The following SOX5 variants were observed in gnomAD, a reference collection of about 807,000 sequenced individuals.
SOX5 encodes the protein SRY-box transcription factor 5.
SOX5 carries 9 observed loss-of-function variants against 92.0 expected under a neutral mutation model. The ratio of observed to expected loss-of-function variants is 0.10; its 90% CI spans 0.06 to 0.17. The LOEUF (loss-of-function observed/expected upper bound fraction) is 0.17, where lower values mean the gene tolerates loss of function less well. SOX5 is among the 10% of genes least tolerant of loss of function. SOX5 has a pLI of 1.00. For synonymous variants in SOX5, 344 were observed against 336.3 expected, an observed-to-expected ratio of 1.02 and a Z score of -0.25; for missense variants, 642 against 944.5, an observed-to-expected ratio of 0.68 and a Z score of 4.20.
chr12:24,262,472 G>A (rs188203884), intron 3 of SOX5, among the ~76,000 whole-genome samples: 9 of 152,282 alleles, frequency 5.9e-5, no homozygotes, highest in Non-Finnish European at 1.3e-4. Flanking sequence ...ATGTTGTGGA[G>A]CAATAAATTT....
At chr12:24,502,422 A>G (rs1264950732) in intron 1 of SOX5, among the ~76,000 whole-genome samples, 1 of 152,232 alleles carries the variant, frequency 6.6e-6, no homozygotes, top group African/African-American at 2.4e-5. Flanking sequence ...ACCATAAACC[A>G]TAACACAAAA....
At position 24,485,903 on chromosome 12, in the gene SOX5, C is replaced by T. The variant is rs556962318; in HGVS notation, c.-251+76426G>A. Among the ~76,000 whole-genome samples the T allele has an allele frequency of 5.3e-5, 8 of 152,154 alleles. No homozygotes were observed. In the South Asian group the frequency reaches 1.2e-3, roughly 24 times the overall value. ...CAATTTTTATAAATGTTTTGAGATG[C>T]AACATATATAAAAGATAAACTGCCA... is the stretch of plus-strand genomic sequence containing the variant. On this transcript the variant is annotated intron_variant, in intron 1 of 4. Coordinates refer to the SOX5 transcript ENST00000446891.
intron 3 of SOX5, among the ~76,000 whole-genome samples, chr12:23,760,680 A>AT (rs920372135): frequency 2.0e-5 from 3 of 152,044 alleles, no homozygotes; most frequent in Non-Finnish European, 2.9e-5. Flanking sequence ...CTCATTCCCT[A>AT]TAACTCTCAC....
chr12:23,951,037 G>A (rs1945549416), upstream of SOX5: 1 of 612,614 alleles, frequency 1.6e-6, no homozygotes, highest in Non-Finnish European at 2.9e-6. Flanking sequence ...CCTACTGGGA[G>A]GGTTCATTCT....
At chr12:23,614,770 T>C (rs1050152284) in intron 8 of SOX5, among the ~76,000 whole-genome samples, 3 of 152,212 alleles carry the variant, frequency 2.0e-5, no homozygotes, top group Non-Finnish European at 2.9e-5. Flanking sequence ...TTCATTTCCA[T>C]AGCAACGTAT....
intron 3 of SOX5, among the ~76,000 whole-genome samples, chr12:23,827,510 G>A (rs2096251953): frequency 6.6e-6 from 1 of 152,164 alleles, no homozygotes; most frequent in South Asian, 2.1e-4. Flanking sequence ...GATGAAAGAT[G>A]TATTTACTTG....
intron 4 of SOX5, among the ~76,000 whole-genome samples, chr12:24,096,254 C>T (rs140764587): frequency 6.6e-6 from 1 of 152,262 alleles, no homozygotes; most frequent in Non-Finnish European, 1.5e-5. Flanking sequence ...TCTCCTAGTG[C>T]TATACCTCCC....
intron 1 of SOX5, among the ~76,000 whole-genome samples, chr12:24,550,149 G>A (rs1421589028): frequency 6.6e-6 from 1 of 152,196 alleles, no homozygotes; most frequent in Non-Finnish European, 1.5e-5. Context: ...CTGTAACTAT[G>A]TTAGAGTTAT....
At chr12:24,278,260 A>G (rs1944725721) in intron 2 of SOX5, among the ~76,000 whole-genome samples, 2 of 152,214 alleles carry the variant, frequency 1.3e-5, no homozygotes, top group South Asian at 4.1e-4. Flanking sequence ...TGCCTCGTAT[A>G]GAAGCATTTT....
rs933608531 is a variant in SOX5, at chr12:24,013,363, C to T, written c.-1-117339G>A. On this transcript the variant is annotated intron_variant, in intron 4 of 4. Transcript: ENST00000446891. ...AAAAAAGAGGTATTGAGAACATGTCCCCTCAAAACCTAAGACAGCTTAATA... is the reference window on the plus strand; with the variant it reads ...AAAAAAGAGGTATTGAGAACATGTCTCCTCAAAACCTAAGACAGCTTAATA... Among the ~76,000 whole-genome samples, 7 of 152,238 alleles carry T rather than the reference C, an allele frequency of 4.6e-5. No individual in the cohort carries two copies. The South Asian group carries it at 1.5e-3, about 32-fold the overall frequency.
chr12:24,213,599 TA>T (rs1033083864), intron 3 of SOX5, among the ~76,000 whole-genome samples: 4 of 59,090 alleles, frequency 6.8e-5, no homozygotes, highest in African/African-American at 4.5e-4. Context: ...TTCATTATAA[TA>T]ATTTTTTTTT....
chr12:23,941,689 A>G (rs1342954364), intron 1 of SOX5, among the ~76,000 whole-genome samples: 1 of 151,558 alleles, frequency 6.6e-6, no homozygotes, highest in East Asian at 1.9e-4. Flanking sequence ...TCTGAATCTG[A>G]TATTTTATAT....
At chr12:23,887,467 T>G (rs2097080516) in intron 2 of SOX5, among the ~76,000 whole-genome samples, 1 of 152,188 alleles carries the variant, frequency 6.6e-6, no homozygotes, top group Admixed American at 6.5e-5. Context: ...CAAATATAAG[T>G]AATCCTTCCT....
intron 2 of SOX5, among the ~76,000 whole-genome samples, chr12:23,858,381 G>A (rs749113181): frequency 1.4e-4 from 21 of 151,880 alleles, no homozygotes; most frequent in Non-Finnish European, 2.9e-4. Flanking sequence ...ATTGGGCAAG[G>A]GACATGAACA....
intron 4 of SOX5, among the ~76,000 whole-genome samples, chr12:24,104,325 T>C (rs1038329772): frequency 3.9e-5 from 6 of 152,186 alleles, no homozygotes; most frequent in African/African-American, 1.4e-4. Context: ...AGAAACATTA[T>C]CTACAGGTTT....
At chr12:24,256,264 C>T (rs1941141567) in intron 3 of SOX5, among the ~76,000 whole-genome samples, 1 of 152,172 alleles carries the variant, frequency 6.6e-6, no homozygotes. Flanking sequence ...CCATTAGATG[C>T]AAAGATTGAA....
At chr12:24,533,525 T>C (rs1456911240) in intron 1 of SOX5, among the ~76,000 whole-genome samples, 1 of 152,176 alleles carries the variant, frequency 6.6e-6, no homozygotes, top group African/African-American at 2.4e-5. Context: ...ATAAAGAAGG[T>C]ATGTTGTTTT....
chr12:24,485,617 A>G (rs1472600991), intron 1 of SOX5, among the ~76,000 whole-genome samples: 2 of 152,170 alleles, frequency 1.3e-5, no homozygotes, highest in Non-Finnish European at 2.9e-5. Context: ...CTAGGAAAAA[A>G]AAATGTATCT....
chr12:24,381,336 A>G (rs560542), intron 1 of SOX5, among the ~76,000 whole-genome samples: 88,215 of 152,056 alleles, frequency 0.58, 25,782 homozygotes, highest in Non-Finnish European at 0.62. Context: ...GTTTCTTTCA[A>G]TTAGCAAACT....
Sources: gnomAD v4.1 joint callset for allele counts (sites outside exome capture counted in the v4.1 genomes callset) on GRCh38, gnomAD v4.1.1 for gene constraint, MANE v1.5 for transcripts, NCBI Gene and HGNC (gene_info 2026-07-23, HGNC 2026-07-21) for gene names.